DTHD1: variants seen among roughly 807,000 people sequenced by gnomAD.
DTHD1 encodes the protein death domain-containing protein 1.
In DTHD1, 59 loss-of-function variants were observed where a neutral mutation model predicts 74.8. The observed-to-expected ratio is 0.79, with a 90% CI of 0.64 to 0.98. DTHD1 has a LOEUF of 0.98. DTHD1 is among the 50% of genes least tolerant of loss of function. The pLI is 0.00. For missense variants in DTHD1, 1,051 were observed against 1,065.4 expected, an observed-to-expected ratio of 0.99 and a Z score of 0.19; for synonymous variants, 365 against 371.1, an observed-to-expected ratio of 0.98 and a Z score of 0.19.
Position 36,304,363 on chromosome 4 carries a change from G to A in DTHD1, c.1644-1828G>A, listed in dbSNP as rs189926035. Among the ~76,000 whole-genome samples, 7 of 152,210 alleles carry A rather than the reference G, an allele frequency of 4.6e-5. No individual in the cohort carries two copies. In the East Asian group the frequency reaches 5.8e-4, roughly 13 times the overall value. On this transcript the variant is annotated intron_variant, in intron 5 of 9. Transcript: ENST00000639862. The stretch of plus-strand genomic sequence containing the variant: ...ATAACCCAACAGCATAAAAGTAAAC[G>A]TTATTTTTCCCCTAAGCTCCTAATT...
chr4:36,281,795 C>A lies in DTHD1; in HGVS notation c.37C>A (p.Gln13Lys). The A allele has an allele frequency of 8.1e-7, 1 of 1,240,594 alleles. No homozygotes were observed. Among genetic ancestry groups the A allele is most frequent in the South Asian group, 4.0e-5 (1 of 25,314 alleles). The allele number at this position is 1,240,594 out of a possible 1,614,324, so 76.8% of individuals were successfully genotyped here. Residue 13 changes from glutamine to lysine, a missense_variant, in exon 1 of 10, where the codon CAA becomes AAA. By Grantham distance (53) the Gln-to-Lys change is moderately conservative. Coordinates refer to ENST00000639862, the MANE Select transcript of DTHD1 (RefSeq NM_001170700.3). The stretch of plus-strand genomic sequence containing the variant: ...ATACATGGGCTCAGGTAAACTGGGC[C>A]AAATATTGAAGCAGATTTGGAGACA... ...MEYMGSGKLG[Q>K]ILKQIWRQNQ...
At chr4:36,301,586 T>C (rs1056888333) in intron 5 of DTHD1, among the ~76,000 whole-genome samples, 2 of 152,210 alleles carry the variant, frequency 1.3e-5, no homozygotes, top group Admixed American at 1.3e-4. Flanking sequence ...GTTTGCCCCA[T>C]TAACAATCAA....
chr4:36,294,803 A>G lies in DTHD1; in HGVS notation c.1407A>G (p.Pro469=). 6.5e-7 allele frequency: 1 copy of G among 1,543,298 alleles called. No homozygotes were observed. The highest frequency in any genetic ancestry group is 2.0e-5 in the Admixed American group (1 of 49,806). Residue 469 remains proline, a synonymous_variant, in exon 5 of 10, where the codon CCA becomes CCG. Coordinates refer to ENST00000639862, the MANE Select transcript of DTHD1 (RefSeq NM_001170700.3). The stretch of plus-strand genomic sequence containing the variant: ...ATATATTTTTTGTTTAGATCCAACC[A>G]GTTGACCCAGCTCTGGTGGCACATT... ...SPVLVQLKIQ[P]VDPALVAHLK...
intron 8 of DTHD1, among the ~76,000 whole-genome samples, chr4:36,326,046 C>T (rs957474073): frequency 3.9e-5 from 6 of 152,100 alleles, no homozygotes; most frequent in African/African-American, 9.7e-5. Context: ...CACAGCTCAT[C>T]GTCATAACCT....
intron 8 of DTHD1, among the ~76,000 whole-genome samples, chr4:36,334,958 A>G (rs1339114390): frequency 1.3e-5 from 2 of 152,238 alleles, no homozygotes; most frequent in East Asian, 3.8e-4. Context: ...AAATGTAAGT[A>G]CTGATATAAA....
intron 7 of DTHD1, among the ~76,000 whole-genome samples, chr4:36,310,411 A>G (rs537180573): frequency 1.2e-4 from 18 of 152,186 alleles, no homozygotes; most frequent in African/African-American, 4.3e-4. Context: ...TTTCTTTTTC[A>G]TTAAGCCAAC....
At position 36,293,323 on chromosome 4, in the gene DTHD1, T is replaced by C. The variant is rs34948274; in HGVS notation, c.1219-203T>C. Reference sequence around the variant, plus strand: ...GTATGTTTATTTCTGTTTTTTATTGTGTAGTCTAAATTTGAGAAACTCTTA... The same window carrying C: ...GTATGTTTATTTCTGTTTTTTATTGCGTAGTCTAAATTTGAGAAACTCTTA... On this transcript the variant is annotated intron_variant, in intron 3 of 9. Coordinates refer to ENST00000639862, the MANE Select transcript of DTHD1 (RefSeq NM_001170700.3). Among the ~76,000 whole-genome samples, 13 of 152,352 alleles carry C rather than the reference T, an allele frequency of 8.5e-5. No homozygotes were observed. In the East Asian group the frequency reaches 2.5e-3, roughly 29 times the overall value.
intron 8 of DTHD1, among the ~76,000 whole-genome samples, chr4:36,328,486 G>A (rs1019373966): frequency 4.6e-5 from 7 of 151,574 alleles, no homozygotes; most frequent in East Asian, 3.8e-4. Context: ...GTGTGTCCAC[G>A]TGTGCATGCC....
chr4:36,334,720 G>T (rs1758908126), intron 8 of DTHD1, among the ~76,000 whole-genome samples: 1 of 152,170 alleles, frequency 6.6e-6, no homozygotes, highest in African/African-American at 2.4e-5. Flanking sequence ...TGGTAGACAG[G>T]GTGTAAGGCA....
At chr4:36,310,364 A>C (rs536466974) in intron 7 of DTHD1, among the ~76,000 whole-genome samples, 3 of 152,354 alleles carry the variant, frequency 2.0e-5, no homozygotes, top group African/African-American at 7.2e-5. Flanking sequence ...GTGGGAATAG[A>C]GAGGAAACGT....
chr4:36,295,342 A>G (rs938870337), intron 5 of DTHD1, among the ~76,000 whole-genome samples: 9 of 152,256 alleles, frequency 5.9e-5, no homozygotes, highest in African/African-American at 2.2e-4. Context: ...TAGTCAGCAC[A>G]GGTAGGAGAA....
intron 8 of DTHD1, among the ~76,000 whole-genome samples, chr4:36,331,828 C>G (rs958813116): frequency 6.6e-6 from 1 of 152,190 alleles, no homozygotes; most frequent in African/African-American, 2.4e-5. Context: ...AAGTTCTTAC[C>G]GTGTTACTTT....
chr4:36,295,161 A>G (rs1756326434), intron 5 of DTHD1, 122 bp downstream of exon 5: 1 of 1,194,718 alleles, frequency 8.4e-7, no homozygotes, highest in Non-Finnish European at 1.1e-6. Context: ...AAATATCTTT[A>G]ATCTAGAAAG....
Position 36,316,495 on chromosome 4 carries a change from T to C in DTHD1, c.2340+9T>C. On this transcript the variant is annotated intron_variant, in intron 8 of 9. Transcript: ENST00000639862. The stretch of plus-strand genomic sequence containing the variant: ...CATTGAAATTGCCAAAGGTGAGTTA[T>C]TTTACTTTTCTAATTACTACATTTT... 6.5e-7 allele frequency: 1 copy of C among 1,542,748 alleles called. No individual in the cohort carries two copies. The highest frequency in any genetic ancestry group is 1.7e-4 in the Middle Eastern group (1 of 5,878).
chr4:36,336,134 G>A (rs982565861), intron 8 of DTHD1, among the ~76,000 whole-genome samples: 5 of 152,230 alleles, frequency 3.3e-5, no homozygotes, highest in Admixed American at 1.3e-4. Context: ...CCATTTAAAT[G>A]TGGATTGTGC....
At chr4:36,331,003 AT>A (rs1360770207) in intron 8 of DTHD1, among the ~76,000 whole-genome samples, 2 of 152,100 alleles carry the variant, frequency 1.3e-5, no homozygotes, top group African/African-American at 4.8e-5. Flanking sequence ...ACTTGAGGTC[AT>A]ACATCATAAA....
chr4:36,333,244 A>G (rs1333891112), intron 8 of DTHD1, among the ~76,000 whole-genome samples: 1 of 152,084 alleles, frequency 6.6e-6, no homozygotes, highest in Non-Finnish European at 1.5e-5. Flanking sequence ...GAAATATACA[A>G]ATATATATCA....
chr4:36,311,310 C>T (rs1166068678), intron 7 of DTHD1: 1 of 152,162 alleles, frequency 6.6e-6, no homozygotes, highest in African/African-American at 2.4e-5. Flanking sequence ...GGGTTTTTCT[C>T]TGCCTAAGAG....
chr4:36,326,590 T>C (rs1258177099), intron 8 of DTHD1, among the ~76,000 whole-genome samples: 1 of 152,226 alleles, frequency 6.6e-6, no homozygotes, highest in African/African-American at 2.4e-5. Context: ...TTCCTCAGGG[T>C]TGAGAGCACT....
Sources: allele counts gnomAD v4.1 joint callset (sites outside exome capture counted in the v4.1 genomes callset), GRCh38; gene constraint gnomAD v4.1.1; transcripts MANE v1.5; gene names NCBI Gene and HGNC (gene_info 2026-07-23, HGNC 2026-07-21).